ALCAM: variants seen among roughly 807,000 people sequenced by gnomAD.
ALCAM encodes the protein activated leukocyte cell adhesion molecule, also known as CD166 antigen.
In ALCAM, 30 loss-of-function variants were observed where a neutral mutation model predicts 70.9. The ratio of observed to expected loss-of-function variants is 0.42; its 90% CI spans 0.32 to 0.57. The LOEUF (loss-of-function observed/expected upper bound fraction) is 0.57, where lower values mean the gene tolerates loss of function less well. ALCAM is among the 20% of genes least tolerant of loss of function. ALCAM has a pLI of 0.11. For synonymous variants in ALCAM, 249 were observed against 242.5 expected (o/e 1.03, Z -0.25); for missense variants, 591 against 695.1 (o/e 0.85, Z 1.68).
intron 1 of ALCAM, among the ~76,000 whole-genome samples, chr3:105,386,446 A>G (rs917018009): frequency 1.3e-4 from 20 of 151,550 alleles, no homozygotes; most frequent in African/African-American, 4.8e-4. Flanking sequence ...ATAGAGCCCA[A>G]TTAAATCCAT....
intron 1 of ALCAM, among the ~76,000 whole-genome samples, chr3:105,374,785 TG>T (rs1935336619): frequency 6.6e-6 from 1 of 152,190 alleles, no homozygotes; most frequent in Non-Finnish European, 1.5e-5. Flanking sequence ...CCCAAAGTGC[TG>T]GGATTACAGG....
intron 1 of ALCAM, among the ~76,000 whole-genome samples, chr3:105,460,120 T>A (rs1002273389): frequency 6.6e-6 from 1 of 152,068 alleles, no homozygotes; most frequent in Non-Finnish European, 1.5e-5. Context: ...ATAGTCTCTC[T>A]GGTATGACTA....
chr3:105,368,004 G>T (rs571614789), intron 1 of ALCAM, among the ~76,000 whole-genome samples: 2 of 151,824 alleles, frequency 1.3e-5, no homozygotes, highest in East Asian at 3.9e-4. Flanking sequence ...CGCCCCCCTT[G>T]CGAAACCTGC....
intron 1 of ALCAM, among the ~76,000 whole-genome samples, chr3:105,386,125 A>G (rs916964969): frequency 3.3e-5 from 5 of 151,652 alleles, no homozygotes; most frequent in African/African-American, 9.7e-5. Context: ...TTGACCTTCC[A>G]AGACTATAGA....
intron 1 of ALCAM, among the ~76,000 whole-genome samples, chr3:105,391,560 CTATTTGAATATCTTTTA>C (rs1015398959): frequency 6.6e-6 from 1 of 152,026 alleles, no homozygotes; most frequent in Non-Finnish European, 1.5e-5. Context: ...TCCTCTCTTC[CTATTTGAATATCTTTTA>C]TTTCTTTCTC....
chr3:105,443,773 A>T (rs1937233393), intron 1 of ALCAM, among the ~76,000 whole-genome samples: 1 of 152,214 alleles, frequency 6.6e-6, no homozygotes, highest in South Asian at 2.1e-4. Flanking sequence ...GGCCAGTTAT[A>T]GCTTTCATTC....
intron 1 of ALCAM, among the ~76,000 whole-genome samples, chr3:105,385,639 C>T (rs1418623212): frequency 2.0e-5 from 3 of 151,568 alleles, no homozygotes; most frequent in African/African-American, 7.3e-5. Flanking sequence ...TGGAAAGAAA[C>T]TTCCTACAGA....
intron 3 of ALCAM, chr3:105,525,208 G>T: frequency 1.0e-6 from 1 of 985,206 alleles, no homozygotes; most frequent in South Asian, 4.7e-5. Flanking sequence ...ACCAAGGGGA[G>T]AAAGTAGAGT....
At chr3:105,404,698 G>GA (rs890995223) in intron 1 of ALCAM, among the ~76,000 whole-genome samples, 16 of 150,918 alleles carry the variant, frequency 1.1e-4, no homozygotes, top group East Asian at 3.9e-4. Flanking sequence ...AGGTATTTAG[G>GA]AAAAAAAATA....
rs1576112165 is a variant in ALCAM, at chr3:105,367,329, G to GC, written c.-79dup. ...CCCCTGCGTCGGGACCCGCCAGCGC[G>GC]CGGGCACCGCGGGGCCCGGGACGAC... is the stretch of plus-strand genomic sequence containing the variant. On this transcript the variant is annotated 5_prime_UTR_variant, in exon 1 of 16. Transcript: ENST00000306107. 6.1e-6 allele frequency: 9 copies of GC among 1,465,664 alleles called. 1 individual carries two copies. Among genetic ancestry groups the GC allele is most frequent in the Middle Eastern group, 4.1e-4 (2 of 4,826 alleles). 90.8% of individuals were successfully genotyped at this position (1,465,664 alleles called of 1,614,324 possible).
At chr3:105,521,048 T>C (rs1483957695) in intron 2 of ALCAM, among the ~76,000 whole-genome samples, 3 of 152,084 alleles carry the variant, frequency 2.0e-5, no homozygotes, top group Non-Finnish European at 4.4e-5. Flanking sequence ...ACGCCTGTAA[T>C]CCCAGCACTT....
At chr3:105,448,729 C>T (rs1461960659) in intron 1 of ALCAM, among the ~76,000 whole-genome samples, 4 of 152,284 alleles carry the variant, frequency 2.6e-5, no homozygotes, top group East Asian at 1.9e-4. Context: ...TCTGAGATTT[C>T]GTGCCCTTCC....
At chr3:105,421,451 A>G (rs1282480781) in intron 1 of ALCAM, among the ~76,000 whole-genome samples, 5 of 151,546 alleles carry the variant, frequency 3.3e-5, no homozygotes, top group African/African-American at 1.2e-4. Context: ...ATAAATGCCA[A>G]CAAAATTGGT....
At chr3:105,476,541 T>C (rs1938116147) in intron 1 of ALCAM, among the ~76,000 whole-genome samples, 1 of 152,052 alleles carries the variant, frequency 6.6e-6, no homozygotes, top group African/African-American at 2.4e-5. Flanking sequence ...TAGTATACTT[T>C]ACTGGTTCCA....
chr3:105,495,477 G>C (rs1320384132), intron 1 of ALCAM, among the ~76,000 whole-genome samples: 1 of 151,906 alleles, frequency 6.6e-6, no homozygotes, highest in East Asian at 1.9e-4. Flanking sequence ...GATGGGTATA[G>C]ACAGAAAGAG....
intron 12 of ALCAM, among the ~76,000 whole-genome samples, chr3:105,551,518 C>A (rs1318760677): frequency 6.6e-6 from 1 of 151,648 alleles, no homozygotes; most frequent in Non-Finnish European, 1.5e-5. Flanking sequence ...TGCCCATGCA[C>A]TTTGAAGTTT....
chr3:105,374,042 G>A (rs969450232), intron 1 of ALCAM, among the ~76,000 whole-genome samples: 1 of 152,184 alleles, frequency 6.6e-6, no homozygotes, highest in Admixed American at 6.5e-5. Context: ...ATTCGTAAAG[G>A]ACCTGTGATT....
At chr3:105,529,669 T>C (rs1304169756) in intron 3 of ALCAM, among the ~76,000 whole-genome samples, 1 of 152,138 alleles carries the variant, frequency 6.6e-6, no homozygotes, top group Non-Finnish European at 1.5e-5. Context: ...AAACATCCTT[T>C]CATCAGGTTT....
intron 1 of ALCAM, among the ~76,000 whole-genome samples, chr3:105,495,573 A>G (rs1317067219): frequency 6.6e-6 from 1 of 152,262 alleles, no homozygotes; most frequent in East Asian, 1.9e-4. Flanking sequence ...GTTTTAAAAT[A>G]GATAACAGCA....
Sources: allele counts gnomAD v4.1 joint callset (sites outside exome capture counted in the v4.1 genomes callset), GRCh38; gene constraint gnomAD v4.1.1; transcripts MANE v1.5; gene names NCBI Gene and HGNC (gene_info 2026-07-23, HGNC 2026-07-21).